NAA50: variants seen among roughly 807,000 people sequenced by gnomAD.
NAA50 encodes the protein N-alpha-acetyltransferase 50, NatE catalytic subunit.
Under a neutral mutation model 20.7 loss-of-function variants are expected in NAA50, and 7 were observed. That is an observed-to-expected ratio of 0.34 (90% confidence interval 0.19 to 0.63). NAA50 has a LOEUF of 0.63. NAA50 is among the 30% of genes least tolerant of loss of function. NAA50 has a pLI of 0.75. For missense variants in NAA50, 111 were observed against 199.1 expected (o/e 0.56, Z 2.66); for synonymous variants, 54 against 70.6 (o/e 0.77, Z 1.18).
chr3:113,745,629 G>A, intron 1 of NAA50: 1 of 367,060 alleles, frequency 2.7e-6, no homozygotes, highest in Non-Finnish European at 4.9e-6. Context: ...CCGGGAAGGA[G>A]GCCCCGGGCG....
intron 1 of NAA50, among the ~76,000 whole-genome samples, chr3:113,738,011 C>T (rs568645756): frequency 6.6e-6 from 1 of 152,208 alleles, no homozygotes; most frequent in Admixed American, 6.5e-5. Flanking sequence ...TCGAGACCAG[C>T]CTGGGCAACA....
chr3:113,731,528 G>A lies in NAA50; in HGVS notation c.9-7433C>T, dbSNP rs73226546. Among the ~76,000 whole-genome samples, 865 of 152,204 alleles carry A rather than the reference G, an allele frequency of 5.7e-3. 4 individuals carry two copies. The highest frequency in any genetic ancestry group is 8.9e-3 in the Non-Finnish European group (607 of 68,002). On this transcript the variant is annotated intron_variant, in intron 1 of 4. Transcript: ENST00000240922. ...CCATGTTTTAAGTGCACACTTCAGTGATTTTTTTACTATAAAGTTGTGCAA... is the reference window on the plus strand; with the variant it reads ...CCATGTTTTAAGTGCACACTTCAGTAATTTTTTTACTATAAAGTTGTGCAA...
At chr3:113,729,871 C>T (rs533991977) in intron 1 of NAA50, among the ~76,000 whole-genome samples, 1 of 152,174 alleles carries the variant, frequency 6.6e-6, no homozygotes, top group Admixed American at 6.5e-5. Context: ...CAGCTTCCTT[C>T]AAATCAAAGT....
intron 1 of NAA50, 93 bp downstream of exon 1, chr3:113,745,849 G>T: frequency 1.4e-6 from 2 of 1,422,396 alleles, no homozygotes; most frequent in Non-Finnish European, 1.9e-6. Flanking sequence ...TCTTCGCCCT[G>T]AATCTCTCCT....
At chr3:113,743,443 T>C (rs185237315) in intron 1 of NAA50, among the ~76,000 whole-genome samples, 17 of 152,350 alleles carry the variant, frequency 1.1e-4, no homozygotes, top group African/African-American at 3.8e-4. Context: ...GTCAGGACTT[T>C]AAAATCGACC....
intron 1 of NAA50, among the ~76,000 whole-genome samples, chr3:113,732,651 A>AG (rs1708285534): frequency 6.6e-6 from 1 of 152,190 alleles, no homozygotes; most frequent in Non-Finnish European, 1.5e-5. Flanking sequence ...TAAGGACGCT[A>AG]GTCATTACAT....
In NAA50 at chr3:113,718,255, C is replaced by T. The variant is rs1188200454; in HGVS notation, c.*3505G>A. ...AAGCCCAAGAGCCACGTAAGCAAGA[C>T]ATCTTGGAAATGGCTCCTCTAGCCT... On this transcript the variant is annotated 3_prime_UTR_variant, in exon 5 of 5. Transcript: ENST00000240922. 6.6e-6 allele frequency: 1 copy of T among 152,162 alleles called. No individual in the cohort carries two copies. The highest frequency in any genetic ancestry group is 1.5e-5 in the Non-Finnish European group (1 of 68,052). The allele number at this position is 152,162 out of a possible 1,614,324, so 9.4% of individuals were successfully genotyped here. A position where few individuals can be genotyped will look rare whatever the true frequency, so the allele number is the denominator to read the frequency against.
intron 1 of NAA50, chr3:113,740,972 A>G: frequency 3.7e-5 from 19 of 515,294 alleles, no homozygotes; most frequent in South Asian, 2.9e-4. Context: ...TACCGATGTT[A>G]TCAAACTGAG....
At position 113,723,948 on chromosome 3, in the gene NAA50, C is replaced by T. The variant is rs137950561; in HGVS notation, c.145+11G>A. Reference sequence around the variant, plus strand: ...AAAAGAAGGGAGGACAAAAAAAAAACTATATTATACCAAGTTTTGCTAGCT... The same window carrying T: ...AAAAGAAGGGAGGACAAAAAAAAAATTATATTATACCAAGTTTTGCTAGCT... On this transcript the variant is annotated intron_variant, in intron 2 of 4. Coordinates refer to ENST00000240922, the MANE Select transcript of NAA50 (RefSeq NM_025146.4). 6,081 of 1,533,328 alleles carry T rather than the reference C, an allele frequency of 4.0e-3. 188 individuals carry two copies. In the South Asian group the frequency reaches 0.057, roughly 14 times the overall value. The allele number at this position is 1,533,328 out of a possible 1,614,324, so 95.0% of individuals were successfully genotyped here.
At chr3:113,727,657 G>T (rs896806052) in intron 1 of NAA50, among the ~76,000 whole-genome samples, 1 of 149,344 alleles carries the variant, frequency 6.7e-6, no homozygotes, top group African/African-American at 2.5e-5. Flanking sequence ...GCACACCATA[G>T]AAATGACGTA....
At chr3:113,744,863 G>A (rs1305110241) in intron 1 of NAA50, among the ~76,000 whole-genome samples, 1 of 152,212 alleles carries the variant, frequency 6.6e-6, no homozygotes, top group African/African-American at 2.4e-5. Context: ...TTAGGTCCTT[G>A]TTTGGGGCAG....
intron 1 of NAA50, among the ~76,000 whole-genome samples, chr3:113,738,135 G>A (rs374975741): frequency 7.2e-5 from 11 of 152,092 alleles, no homozygotes; most frequent in African/African-American, 2.4e-4. Flanking sequence ...TTATATGGTC[G>A]GTTACTAATG....
chr3:113,733,038 A>G (rs1246011806), intron 1 of NAA50, among the ~76,000 whole-genome samples: 1 of 150,928 alleles, frequency 6.6e-6, no homozygotes, highest in East Asian at 1.9e-4. Context: ...TTTTTGTAAA[A>G]TCACTCTTTA....
chr3:113,729,057 C>T (rs901298608), intron 1 of NAA50, among the ~76,000 whole-genome samples: 2 of 151,268 alleles, frequency 1.3e-5, no homozygotes, highest in Non-Finnish European at 2.9e-5. Flanking sequence ...GCAATCTCAG[C>T]TTATTGCAAC....
intron 1 of NAA50, among the ~76,000 whole-genome samples, chr3:113,738,512 G>A (rs1176381832): frequency 6.6e-6 from 1 of 152,158 alleles, no homozygotes; most frequent in Non-Finnish European, 1.5e-5. Context: ...TTTAATCTCT[G>A]TTAATTCTGC....
At position 113,717,599 on chromosome 3, in the gene NAA50, A is replaced by G. The variant is rs1019763836; in HGVS notation, c.*4161T>C. ...GAGAACCAATTCAGGACACTGCCATAGAAAATATTTACTCCCTGAAAAACT... is the reference window on the plus strand; with the variant it reads ...GAGAACCAATTCAGGACACTGCCATGGAAAATATTTACTCCCTGAAAAACT... On this transcript the variant is annotated 3_prime_UTR_variant, in exon 5 of 5. Coordinates refer to ENST00000240922, the MANE Select transcript of NAA50 (RefSeq NM_025146.4). The G allele has an allele frequency of 1.3e-5, 2 of 152,194 alleles. No homozygotes were observed. Among genetic ancestry groups the G allele is most frequent in the Admixed American group, 1.3e-4 (2 of 15,282 alleles). 9.4% of individuals were successfully genotyped at this position (152,194 alleles called of 1,614,324 possible). A position where few individuals can be genotyped will look rare whatever the true frequency, so the allele number is the denominator to read the frequency against.
chr3:113,742,616 A>C (rs1177737204), intron 1 of NAA50, among the ~76,000 whole-genome samples: 2 of 152,086 alleles, frequency 1.3e-5, no homozygotes, highest in African/African-American at 4.8e-5. Flanking sequence ...TTCCCAGTCC[A>C]TATGCTGTCA....
At chr3:113,734,172 G>A (rs1166368872) in intron 1 of NAA50, among the ~76,000 whole-genome samples, 2 of 152,110 alleles carry the variant, frequency 1.3e-5, no homozygotes, top group Non-Finnish European at 2.9e-5. Flanking sequence ...TGCAGCTGGA[G>A]GCCATTATCC....
intron 1 of NAA50, among the ~76,000 whole-genome samples, chr3:113,739,785 G>C (rs969578101): frequency 6.6e-6 from 1 of 152,170 alleles, no homozygotes; most frequent in African/African-American, 2.4e-5. Flanking sequence ...TACCATCTGG[G>C]ATGGGAAGTA....
Sources: gnomAD v4.1 joint callset for allele counts (sites outside exome capture counted in the v4.1 genomes callset) on GRCh38, gnomAD v4.1.1 for gene constraint, MANE v1.5 for transcripts, NCBI Gene and HGNC (gene_info 2026-07-23, HGNC 2026-07-21) for gene names.